The following RBFOX1 variants were observed in gnomAD, a reference collection of about 807,000 sequenced individuals.
RBFOX1 encodes the protein RNA binding fox-1 homolog 1, also known as RNA binding protein fox-1 homolog 1.
Under a neutral mutation model 57.7 loss-of-function variants are expected in RBFOX1, and 8 were observed. The observed-to-expected ratio is 0.14, with a 90% confidence interval of 0.08 to 0.25. The LOEUF (loss-of-function observed/expected upper bound fraction) is 0.25, where lower values mean the gene tolerates loss of function less well. Ranked by LOEUF, RBFOX1 falls within the 10% of genes least tolerant of loss-of-function variation. RBFOX1 has a pLI of 1.00. For synonymous variants in RBFOX1, 326 were observed against 222.4 expected (o/e 1.47, Z -4.15); for missense variants, 611 against 548.5 (o/e 1.11, Z -1.14).
chr16:7,241,640 T>C (rs1171367469), intron 4 of RBFOX1, among the ~76,000 whole-genome samples: 2 of 152,168 alleles, frequency 1.3e-5, no homozygotes, highest in African/African-American at 4.8e-5. Context: ...ATTTCTTCTT[T>C]ATGTTGGTCA....
intron 3 of RBFOX1, among the ~76,000 whole-genome samples, chr16:6,926,065 G>C (rs1057510584): frequency 6.6e-6 from 1 of 152,036 alleles, no homozygotes; most frequent in Non-Finnish European, 1.5e-5. Flanking sequence ...CAGCACTTTG[G>C]GAGGCCGAGG....
intron 3 of RBFOX1, among the ~76,000 whole-genome samples, chr16:6,779,197 A>G (rs2079911872): frequency 6.6e-6 from 1 of 151,992 alleles, no homozygotes; most frequent in Non-Finnish European, 1.5e-5. Flanking sequence ...CATTTGGTAA[A>G]CATTATTCTA....
chr16:7,220,693 T>A (rs1286586063), intron 4 of RBFOX1, among the ~76,000 whole-genome samples: 4 of 152,186 alleles, frequency 2.6e-5, no homozygotes, highest in Non-Finnish European at 2.9e-5. Flanking sequence ...TTTCTCTGAT[T>A]GTGATCTGTG....
intron 1 of RBFOX1, among the ~76,000 whole-genome samples, chr16:5,375,902 C>CA (rs1285618332): frequency 6.6e-6 from 1 of 152,158 alleles, no homozygotes; most frequent in Non-Finnish European, 1.5e-5. Context: ...TGCGGTGGCT[C>CA]ATGCCTGTAA....
chr16:6,545,964 G>T (rs2096889119), intron 2 of RBFOX1, among the ~76,000 whole-genome samples: 1 of 152,174 alleles, frequency 6.6e-6, no homozygotes, highest in Non-Finnish European at 1.5e-5. Context: ...ACAGGGATTT[G>T]CAATCTTTTG....
At chr16:5,256,494 G>A (rs2062594026) in intron 1 of RBFOX1, among the ~76,000 whole-genome samples, 1 of 152,208 alleles carries the variant, frequency 6.6e-6, no homozygotes, top group Admixed American at 6.5e-5. Flanking sequence ...TCTCTCCCAG[G>A]ACTGCTAGGA....
chr16:6,270,752 C>T (rs886111059), intron 1 of RBFOX1, among the ~76,000 whole-genome samples: 1 of 152,106 alleles, frequency 6.6e-6, no homozygotes, highest in Non-Finnish European at 1.5e-5. Flanking sequence ...AGAACACTCC[C>T]AATGACAGCA....
intron 4 of RBFOX1, among the ~76,000 whole-genome samples, chr16:7,443,065 A>G (rs1240891954): frequency 6.6e-6 from 1 of 152,166 alleles, no homozygotes; most frequent in Non-Finnish European, 1.5e-5. Flanking sequence ...TCAAAACCAC[A>G]AACCTTACCC....
At chr16:5,944,954 G>T (rs1436527516) in intron 4 of RBFOX1, among the ~76,000 whole-genome samples, 1 of 97,918 alleles carries the variant, frequency 1.0e-5, no homozygotes, top group Non-Finnish European at 1.8e-5. Flanking sequence ...GACAGAGCAA[G>T]ACTCTGTCAT....
At chr16:6,663,703 G>C (rs1012565843) in intron 3 of RBFOX1, among the ~76,000 whole-genome samples, 1 of 152,240 alleles carries the variant, frequency 6.6e-6, no homozygotes, top group African/African-American at 2.4e-5. Context: ...AGGCCGTTAG[G>C]CATATACATT....
At chr16:6,000,259 A>G (rs1312544268) in intron 4 of RBFOX1, among the ~76,000 whole-genome samples, 1 of 152,146 alleles carries the variant, frequency 6.6e-6, no homozygotes, top group East Asian at 1.9e-4. Flanking sequence ...AAGTAGTGGG[A>G]CAAACCGTAG....
intron 3 of RBFOX1, among the ~76,000 whole-genome samples, chr16:5,844,293 G>T (rs148496030): frequency 2.3e-3 from 351 of 152,218 alleles, no homozygotes; most frequent in African/African-American, 8.2e-3. Flanking sequence ...CAAAACTGCC[G>T]GCAAGAAATG....
At chr16:5,720,713 G>A (rs2051899198) in intron 3 of RBFOX1, among the ~76,000 whole-genome samples, 1 of 152,084 alleles carries the variant, frequency 6.6e-6, no homozygotes, top group Non-Finnish European at 1.5e-5. Flanking sequence ...TGCCCTTTAT[G>A]CCCTCGTCAA....
chr16:6,994,493 T>C (rs558883328), intron 3 of RBFOX1, among the ~76,000 whole-genome samples: 37 of 152,314 alleles, frequency 2.4e-4, no homozygotes, highest in African/African-American at 8.4e-4. Context: ...CTTCACAGTT[T>C]TTAGGTAAAC....
At chr16:6,274,164 C>T (rs1196164684) in intron 1 of RBFOX1, among the ~76,000 whole-genome samples, 4 of 152,166 alleles carry the variant, frequency 2.6e-5, no homozygotes, top group East Asian at 1.9e-4. Context: ...AATGTAAACA[C>T]GCAGTTATCA....
chr16:6,895,908 T>G (rs1301722170), intron 3 of RBFOX1, among the ~76,000 whole-genome samples: 2 of 152,140 alleles, frequency 1.3e-5, no homozygotes, highest in East Asian at 3.9e-4. Flanking sequence ...TGTAAAATGT[T>G]TTTTTAATTA....
intron 14 of RBFOX1, among the ~76,000 whole-genome samples, chr16:7,690,653 C>A (rs1215908030): frequency 7.4e-6 from 1 of 134,310 alleles, no homozygotes; most frequent in Non-Finnish European, 1.6e-5. Context: ...CCAGAATATA[C>A]CTGCATTGTT....
At chr16:7,155,838 C>T (rs1020137075) in intron 4 of RBFOX1, among the ~76,000 whole-genome samples, 5 of 148,406 alleles carry the variant, frequency 3.4e-5, no homozygotes, top group African/African-American at 1.2e-4. Flanking sequence ...CTATATAATA[C>T]CTATATATGT....
chr16:7,563,716 C>T (rs893099764), intron 5 of RBFOX1, among the ~76,000 whole-genome samples: 5 of 152,288 alleles, frequency 3.3e-5, no homozygotes, highest in East Asian at 3.9e-4. Flanking sequence ...GATCCACCCA[C>T]CTCGGCCTCC....
Sources: allele counts gnomAD v4.1 joint callset (sites outside exome capture counted in the v4.1 genomes callset), GRCh38; gene constraint gnomAD v4.1.1; transcripts MANE v1.5; gene names NCBI Gene and HGNC (gene_info 2026-07-23, HGNC 2026-07-21).